LUZP2: variants seen among roughly 807,000 people sequenced by gnomAD.
LUZP2 encodes the protein leucine zipper protein 2.
Under a neutral mutation model 51.6 loss-of-function variants are expected in LUZP2, and 52 were observed. That is an observed-to-expected ratio of 1.01 (90% CI 0.81 to 1.27). LUZP2 has a LOEUF of 1.27. Ranked by LOEUF, LUZP2 falls within the 50% of genes most tolerant of loss-of-function variation. LUZP2 has a pLI of 0.00. For missense variants in LUZP2, 436 were observed against 395.4 expected (o/e 1.10, Z -0.87); for synonymous variants, 154 against 137.3 (o/e 1.12, Z -0.85).
chr11:25,005,905 T>A (rs535037365), intron 9 of LUZP2, among the ~76,000 whole-genome samples: 1 of 152,054 alleles, frequency 6.6e-6, no homozygotes, highest in Admixed American at 6.6e-5. Flanking sequence ...AGTATCGGGA[T>A]CTTACCCCTG....
chr11:24,833,728 A>ACACT (rs1554918548), intron 5 of LUZP2, among the ~76,000 whole-genome samples: 12 of 151,436 alleles, frequency 7.9e-5, no homozygotes, highest in Admixed American at 2.0e-4. Flanking sequence ...ACACACACAC[A>ACACT]CACTTGATTC....
intron 5 of LUZP2, among the ~76,000 whole-genome samples, chr11:24,833,223 G>C (rs1413978571): frequency 6.6e-6 from 1 of 152,162 alleles, no homozygotes; most frequent in African/African-American, 2.4e-5. Flanking sequence ...GGTAATAACT[G>C]AACTCTGCTG....
At chr11:25,001,919 C>T (rs1856692617) in intron 9 of LUZP2, among the ~76,000 whole-genome samples, 1 of 152,064 alleles carries the variant, frequency 6.6e-6, no homozygotes, top group Non-Finnish European at 1.5e-5. Context: ...TACTGCTGTT[C>T]TCCCTTCTCC....
chr11:25,062,428 T>TA lies in LUZP2; in HGVS notation c.858+12305dup, dbSNP rs367774912. ...GTTGAAACTCTGCCTCTATAAAGAA[T>TA]AAAAAAATATATATATCTGCATGTG... On this transcript the variant is annotated intron_variant, in intron 10 of 11. Transcript: ENST00000336930. Among the ~76,000 whole-genome samples, 288 of 145,172 alleles carry TA rather than the reference T, an allele frequency of 2.0e-3. 3 individuals carry two copies. Among genetic ancestry groups the TA allele is most frequent in the East Asian group, 0.011 (54 of 4,764 alleles).
At chr11:24,541,204 G>T (rs1048987360) in intron 1 of LUZP2, among the ~76,000 whole-genome samples, 1 of 133,386 alleles carries the variant, frequency 7.5e-6, no homozygotes, top group Admixed American at 8.7e-5. Flanking sequence ...AGTAAGCCAA[G>T]ATTGCACCAT....
rs550283352 is a variant in LUZP2, at chr11:24,876,977, C to T, written c.397-29014C>T. ...AGAGTCACAACACCTGACTTTATGT[C>T]AGAAATTCAGAAAAAGAAAGAAATT... On this transcript the variant is annotated intron_variant, in intron 5 of 11. Transcript: ENST00000336930. Among the ~76,000 whole-genome samples the T allele has an allele frequency of 8.4e-4, 128 of 152,218 alleles. 1 individual carries two copies. In the Middle Eastern group the frequency reaches 0.01, roughly 12 times the overall value.
intron 1 of LUZP2, among the ~76,000 whole-genome samples, chr11:24,528,371 C>T (rs1850885792): frequency 6.6e-6 from 1 of 150,966 alleles, no homozygotes; most frequent in South Asian, 2.1e-4. Context: ...CAGAAATTAC[C>T]AAATTAGTCA....
At chr11:24,877,809 G>A (rs1021125226) in intron 5 of LUZP2, among the ~76,000 whole-genome samples, 1 of 152,016 alleles carries the variant, frequency 6.6e-6, no homozygotes, top group African/African-American at 2.4e-5. Flanking sequence ...ATCTCCATGA[G>A]TTCAATTGTT....
At chr11:24,499,406 A>T (rs191929962) in intron 1 of LUZP2, among the ~76,000 whole-genome samples, 1 of 152,322 alleles carries the variant, frequency 6.6e-6, no homozygotes, top group Non-Finnish European at 1.5e-5. Flanking sequence ...TGTGTATAAT[A>T]TTTAACAGTT....
chr11:24,987,348 C>A (rs1900211), intron 9 of LUZP2, among the ~76,000 whole-genome samples: 58,955 of 151,616 alleles, frequency 0.39, 13,744 homozygotes, highest in East Asian at 0.68. Flanking sequence ...ATAGCAGAAT[C>A]CTTACAATCC....
chr11:24,926,441 G>A (rs1453067706), intron 7 of LUZP2, among the ~76,000 whole-genome samples: 1 of 139,832 alleles, frequency 7.2e-6, no homozygotes, highest in Non-Finnish European at 1.5e-5. Context: ...ATATATACGT[G>A]TATATATGTG....
intron 9 of LUZP2, among the ~76,000 whole-genome samples, chr11:24,994,609 T>C (rs1380186597): frequency 2.0e-5 from 3 of 152,196 alleles, no homozygotes; most frequent in Non-Finnish European, 4.4e-5. Context: ...CTATTCTTGG[T>C]CATTGCATTT....
At chr11:24,960,149 T>C (rs1478219733) in intron 7 of LUZP2, among the ~76,000 whole-genome samples, 1 of 152,160 alleles carries the variant, frequency 6.6e-6, no homozygotes, top group African/African-American at 2.4e-5. Context: ...GGATTCGGTT[T>C]GCCAGTATTT....
intron 1 of LUZP2, among the ~76,000 whole-genome samples, chr11:24,646,794 T>C (rs1855474375): frequency 6.6e-6 from 1 of 152,086 alleles, no homozygotes; most frequent in Non-Finnish European, 1.5e-5. Context: ...GTCACTGGTC[T>C]GTGTCAGCAG....
chr11:24,646,825 A>C (rs1855474601), intron 1 of LUZP2, among the ~76,000 whole-genome samples: 1 of 152,052 alleles, frequency 6.6e-6, no homozygotes, highest in Admixed American at 6.6e-5. Context: ...TGAAGGAATG[A>C]GTGTCAGATG....
intron 1 of LUZP2, among the ~76,000 whole-genome samples, chr11:24,578,283 C>T (rs1044270009): frequency 6.6e-6 from 1 of 152,092 alleles, no homozygotes; most frequent in Non-Finnish European, 1.5e-5. Flanking sequence ...CTTCCTTTTA[C>T]ATCTTACTGT....
intron 4 of LUZP2, among the ~76,000 whole-genome samples, chr11:24,739,818 A>G (rs898727156): frequency 3.3e-5 from 5 of 152,136 alleles, no homozygotes; most frequent in Non-Finnish European, 7.4e-5. Context: ...GTTTCATGTA[A>G]GGATTCACTG....
At chr11:24,850,535 A>G (rs1303079267) in intron 5 of LUZP2, among the ~76,000 whole-genome samples, 1 of 144,540 alleles carries the variant, frequency 6.9e-6, no homozygotes, top group Non-Finnish European at 1.5e-5. Context: ...CTTGTAGTAC[A>G]CTTAGAAGTC....
intron 5 of LUZP2, among the ~76,000 whole-genome samples, chr11:24,814,845 A>G (rs1850126905): frequency 6.6e-6 from 1 of 152,102 alleles, no homozygotes; most frequent in Non-Finnish European, 1.5e-5. Context: ...ACAAAAAATT[A>G]GCCAGGCGTG....
Sources: allele counts gnomAD v4.1 joint callset (sites outside exome capture counted in the v4.1 genomes callset), GRCh38; gene constraint gnomAD v4.1.1; transcripts MANE v1.5; gene names NCBI Gene and HGNC (gene_info 2026-07-23, HGNC 2026-07-21).